The following ROBO2 variants were observed in gnomAD, a reference collection of about 807,000 sequenced individuals.
ROBO2 encodes the protein roundabout homolog 2.
Under a neutral mutation model 160.8 loss-of-function variants are expected in ROBO2, and 53 were observed. The observed-to-expected ratio is 0.33, with a 90% CI of 0.26 to 0.41. ROBO2 has a LOEUF of 0.41. Among genes scored for constraint, ROBO2 ranks in the 10% least tolerant of loss-of-function variants. The pLI, the probability that ROBO2 is intolerant of heterozygous loss-of-function variation, is 1.00. For synonymous variants in ROBO2, 664 were observed against 611.7 expected (o/e 1.09, Z -1.26); for missense variants, 1,577 against 1,722.4 (o/e 0.92, Z 1.49).
intron 6 of ROBO2, among the ~76,000 whole-genome samples, chr3:77,544,516 C>G (rs958246670): frequency 2.6e-5 from 4 of 151,876 alleles, no homozygotes; most frequent in Admixed American, 6.6e-5. Context: ...AATAGAACAC[C>G]AAAAAATAAG....
At chr3:76,624,796 CAAAAAAAAAAAAAAAAAAAAAA>C (rs57920315) in intron 2 of ROBO2, among the ~76,000 whole-genome samples, 45 of 46,296 alleles carry the variant, frequency 9.7e-4, no homozygotes, top group African/African-American at 3.6e-3. Flanking sequence ...GACTCCGTCT[CAAAAAAAAAAAAAAAAAAAAAA>C]AAAAAAAAAA....
intron 2 of ROBO2, among the ~76,000 whole-genome samples, chr3:77,389,489 A>G (rs555664504): frequency 6.6e-6 from 1 of 152,170 alleles, no homozygotes; most frequent in East Asian, 1.9e-4. Flanking sequence ...AGTGCCACAC[A>G]ACATACTTTG....
chr3:77,348,560 C>T (rs1450442253), intron 2 of ROBO2, among the ~76,000 whole-genome samples: 6 of 152,106 alleles, frequency 3.9e-5, no homozygotes, highest in South Asian at 4.1e-4. Flanking sequence ...GAATACAGCC[C>T]GGTAAGTTTC....
intron 2 of ROBO2, among the ~76,000 whole-genome samples, chr3:76,678,720 A>G (rs777196079): frequency 2.0e-4 from 30 of 152,248 alleles, no homozygotes; most frequent in Middle Eastern, 3.4e-3. Context: ...GGGGCTCTGG[A>G]GACAAGTACT....
At chr3:76,731,146 A>G (rs2093632110) in intron 2 of ROBO2, among the ~76,000 whole-genome samples, 2 of 152,234 alleles carry the variant, frequency 1.3e-5, no homozygotes, top group African/African-American at 4.8e-5. Flanking sequence ...AAGGAAGTCT[A>G]CTAAGATAAT....
chr3:76,925,222 A>AT (rs769983418), intron 2 of ROBO2, among the ~76,000 whole-genome samples: 14,446 of 145,762 alleles, frequency 0.099, 870 homozygotes, highest in African/African-American at 0.16. Flanking sequence ...AAAAAAAAAA[A>AT]AAAAAAAAAT....
intron 2 of ROBO2, among the ~76,000 whole-genome samples, chr3:76,490,391 T>C (rs2107511182): frequency 6.6e-6 from 1 of 152,326 alleles, no homozygotes; most frequent in South Asian, 2.1e-4. Context: ...GGAACCCCAA[T>C]AGTTCTGATT....
intron 2 of ROBO2, among the ~76,000 whole-genome samples, chr3:76,091,469 T>C (rs2108096103): frequency 6.6e-6 from 1 of 152,316 alleles, no homozygotes; most frequent in Non-Finnish European, 1.5e-5. Context: ...TCTCATTCAT[T>C]GCTGCTGGGG....
intron 2 of ROBO2, among the ~76,000 whole-genome samples, chr3:76,239,435 A>G (rs1705158876): frequency 6.6e-6 from 1 of 151,918 alleles, no homozygotes; most frequent in Admixed American, 6.6e-5. Flanking sequence ...CACATGCACA[A>G]TTTTTTAAGA....
intron 2 of ROBO2, among the ~76,000 whole-genome samples, chr3:76,592,157 A>G (rs993817668): frequency 6.6e-6 from 1 of 152,088 alleles, no homozygotes; most frequent in African/African-American, 2.4e-5. Flanking sequence ...TAACTTTCCT[A>G]TTGCTACCTC....
At position 77,342,970 on chromosome 3, in the gene ROBO2, C is replaced by T. The variant is rs113449913; in HGVS notation, c.389-134444C>T. Among the ~76,000 whole-genome samples the T allele has an allele frequency of 1.0e-2, 1,518 of 152,174 alleles. 19 individuals carry two copies. The highest frequency in any genetic ancestry group is 0.017 in the Middle Eastern group (5 of 294). On this transcript the variant is annotated intron_variant, in intron 2 of 25. Coordinates refer to ENST00000461745, the Ensembl canonical transcript of ROBO2. Reference sequence around the variant, plus strand: ...CAAGCCTGAGATTGAGGTACAGGCACGGTCAGGTTCTGGTAGGGTCTGTCT... The same window carrying T: ...CAAGCCTGAGATTGAGGTACAGGCATGGTCAGGTTCTGGTAGGGTCTGTCT...
intron 2 of ROBO2, among the ~76,000 whole-genome samples, chr3:76,992,360 TA>T (rs1559812229): frequency 0.055 from 3,894 of 70,234 alleles, 121 homozygotes; most frequent in African/African-American, 0.092. Flanking sequence ...TATATATATA[TA>T]TATATATAAA....
intron 2 of ROBO2, among the ~76,000 whole-genome samples, chr3:76,813,950 T>C (rs974472387): frequency 6.6e-6 from 1 of 152,132 alleles, no homozygotes; most frequent in Admixed American, 6.6e-5. Flanking sequence ...TAAGTAACTT[T>C]TAAATGATCA....
intron 2 of ROBO2, among the ~76,000 whole-genome samples, chr3:76,387,060 G>A (rs1198208540): frequency 5.3e-5 from 8 of 152,170 alleles, no homozygotes; most frequent in African/African-American, 1.9e-4. Context: ...AGATGAAGGT[G>A]CTGGCATTTG....
chr3:77,431,883 G>A (rs1382460174), intron 2 of ROBO2, among the ~76,000 whole-genome samples: 1 of 152,116 alleles, frequency 6.6e-6, no homozygotes. Context: ...TAAGTATGTT[G>A]CTTGACACTG....
At chr3:76,433,100 G>T (rs536901229) in intron 2 of ROBO2, among the ~76,000 whole-genome samples, 1 of 152,258 alleles carries the variant, frequency 6.6e-6, no homozygotes, top group African/African-American at 2.4e-5. Context: ...GCTGCAATCT[G>T]CTAGTTTTCT....
chr3:76,167,903 A>C (rs1352499729), intron 2 of ROBO2, among the ~76,000 whole-genome samples: 1 of 152,134 alleles, frequency 6.6e-6, no homozygotes. Context: ...TCAGTGTGTA[A>C]GGTAATCATT....
chr3:76,030,243 T>C (rs544687606), intron 2 of ROBO2, among the ~76,000 whole-genome samples: 4 of 152,210 alleles, frequency 2.6e-5, no homozygotes, highest in Non-Finnish European at 5.9e-5. Flanking sequence ...TTTGTTTAAG[T>C]TCCTTGTAGA....
chr3:77,062,561 C>T (rs930297508), intron 1 of ROBO2, among the ~76,000 whole-genome samples: 1 of 152,104 alleles, frequency 6.6e-6, no homozygotes, highest in African/African-American at 2.4e-5. Flanking sequence ...CTTAATTTCT[C>T]CCAGAGGTCA....
Sources: gnomAD v4.1 joint callset for allele counts (sites outside exome capture counted in the v4.1 genomes callset) on GRCh38, gnomAD v4.1.1 for gene constraint, MANE v1.5 for transcripts, NCBI Gene and HGNC (gene_info 2026-07-23, HGNC 2026-07-21) for gene names.